The following PLEKHG1 variants were observed in gnomAD, a reference collection of about 807,000 sequenced individuals.
PLEKHG1 encodes pleckstrin homology and RhoGEF domain containing G1.
Under a neutral mutation model 100.8 loss-of-function variants are expected in PLEKHG1, and 44 were observed. The observed-to-expected ratio is 0.44, with a 90% CI of 0.34 to 0.56. The LOEUF (loss-of-function observed/expected upper bound fraction) is 0.56, where lower values mean the gene tolerates loss of function less well. PLEKHG1 is among the 20% of genes least tolerant of loss of function. The pLI, the probability that PLEKHG1 is intolerant of heterozygous loss-of-function variation, is 0.01. For synonymous variants in PLEKHG1, 640 were observed against 662.5 expected (o/e 0.97, Z 0.52); for missense variants, 1,545 against 1,720.9 (o/e 0.90, Z 1.81).
At chr6:150,601,701 A>T (rs60984052) in intron 1 of PLEKHG1, among the ~76,000 whole-genome samples, 4,751 of 152,278 alleles carry the variant, frequency 0.031, 244 homozygotes, top group African/African-American at 0.11. Flanking sequence ...GTCCACAGTC[A>T]ACAGCAATGG....
At chr6:150,698,066 G>A (rs1780619279) in intron 3 of PLEKHG1, among the ~76,000 whole-genome samples, 1 of 152,050 alleles carries the variant, frequency 6.6e-6, no homozygotes, top group Admixed American at 6.6e-5. Flanking sequence ...CAAGTGTTTT[G>A]GGTTTCAGAT....
intron 3 of PLEKHG1, chr6:150,662,431 G>T (rs7748613): frequency 0.43 from 66,058 of 151,960 alleles, 16,373 homozygotes; most frequent in African/African-American, 0.69. Flanking sequence ...GTTTTGTTTT[G>T]TAGAGACAGA....
intron 2 of PLEKHG1, among the ~76,000 whole-genome samples, chr6:150,648,316 C>T (rs1352959276): frequency 6.6e-6 from 1 of 152,052 alleles, no homozygotes; most frequent in Non-Finnish European, 1.5e-5. Context: ...TTCACTGTTG[C>T]ACAGTGAGAC....
At chr6:150,701,468 ATTATAC>A (rs1780787597) in intron 3 of PLEKHG1, among the ~76,000 whole-genome samples, 1 of 44,088 alleles carries the variant, frequency 2.3e-5, no homozygotes, top group Non-Finnish European at 4.6e-5. Flanking sequence ...TATATATATA[ATTATAC>A]TTTAAGTTCT....
chr6:150,643,105 T>C (rs1402066317), intron 2 of PLEKHG1, among the ~76,000 whole-genome samples: 1 of 152,164 alleles, frequency 6.6e-6, no homozygotes, highest in African/African-American at 2.4e-5. Context: ...CCAAGGAATA[T>C]GAGGAAGAGG....
At chr6:150,801,267 G>A (rs1477855065) in intron 6 of PLEKHG1, among the ~76,000 whole-genome samples, 1 of 152,080 alleles carries the variant, frequency 6.6e-6, no homozygotes, top group African/African-American at 2.4e-5. Flanking sequence ...AAAGAGAAGG[G>A]GCTGAAAAGG....
intron 1 of PLEKHG1, among the ~76,000 whole-genome samples, chr6:150,629,720 A>G (rs1398684303): frequency 6.6e-6 from 1 of 152,156 alleles, no homozygotes; most frequent in African/African-American, 2.4e-5. Context: ...CGGTCTCCCA[A>G]AGTGCTGGGA....
At chr6:150,655,223 G>A (rs964026358) in intron 3 of PLEKHG1, among the ~76,000 whole-genome samples, 4 of 152,190 alleles carry the variant, frequency 2.6e-5, no homozygotes, top group Admixed American at 2.0e-4. Flanking sequence ...AGACGATGTA[G>A]CGATTCCTCA....
chr6:150,828,617 CA>C (rs546053449), intron 14 of PLEKHG1, among the ~76,000 whole-genome samples: 410 of 134,458 alleles, frequency 3.0e-3, no homozygotes, highest in African/African-American at 4.2e-3. Context: ...ATTTGTATGG[CA>C]AAAAAAAAAA....
chr6:150,616,179 C>T (rs1040118452), intron 1 of PLEKHG1, among the ~76,000 whole-genome samples: 1 of 152,152 alleles, frequency 6.6e-6, no homozygotes, highest in Non-Finnish European at 1.5e-5. Context: ...GAGAAATTCA[C>T]TTTTTTGCCC....
chr6:150,821,130 T>C (rs768851089), intron 12 of PLEKHG1, 65 bp from the exon 14 acceptor site: 11 of 1,285,660 alleles, frequency 8.6e-6, no homozygotes, highest in South Asian at 1.2e-5. Context: ...AATCCTCTTA[T>C]AAAGAATAAA....
chr6:150,788,307 G>C (rs898766985), intron 4 of PLEKHG1, among the ~76,000 whole-genome samples: 3 of 152,316 alleles, frequency 2.0e-5, no homozygotes, highest in Middle Eastern at 3.4e-3. Flanking sequence ...AAGATGTTAC[G>C]TCTTCTGAAA....
intron 3 of PLEKHG1, among the ~76,000 whole-genome samples, chr6:150,684,402 C>T (rs897754604): frequency 6.6e-6 from 1 of 152,206 alleles, no homozygotes; most frequent in South Asian, 2.1e-4. Flanking sequence ...GGTTCTCCTA[C>T]GTGGGAAATC....
chr6:150,639,741 G>C (rs996511795), intron 2 of PLEKHG1, among the ~76,000 whole-genome samples: 4 of 152,080 alleles, frequency 2.6e-5, no homozygotes, highest in Non-Finnish European at 4.4e-5. Context: ...TCGTGTAGCT[G>C]TCAGGGTGCA....
chr6:150,727,018 A>G (rs142866490), intron 1 of PLEKHG1, among the ~76,000 whole-genome samples: 102 of 152,356 alleles, frequency 6.7e-4, no homozygotes, highest in African/African-American at 2.4e-3. Context: ...TAACTGGTAG[A>G]GTAACTATTT....
At chr6:150,613,107 A>G (rs1163099008) in intron 1 of PLEKHG1, among the ~76,000 whole-genome samples, 1 of 150,738 alleles carries the variant, frequency 6.6e-6, no homozygotes, top group African/African-American at 2.4e-5. Context: ...GCATCAGCCC[A>G]CTGGCCTCTC....
At chr6:150,744,054 TCTTA>T (rs1223481002) in intron 2 of PLEKHG1, among the ~76,000 whole-genome samples, 3 of 152,136 alleles carry the variant, frequency 2.0e-5, no homozygotes, top group Non-Finnish European at 4.4e-5. Context: ...TCGCCCTTCA[TCTTA>T]CTTTTTATTT....
At chr6:150,777,572 A>G (rs978596255) in intron 3 of PLEKHG1, among the ~76,000 whole-genome samples, 2 of 150,024 alleles carry the variant, frequency 1.3e-5, no homozygotes, top group African/African-American at 4.9e-5. Flanking sequence ...CCTGGTGTAC[A>G]TGTGCGGTTG....
chr6:150,697,410 G>A (rs77275232), intron 3 of PLEKHG1, among the ~76,000 whole-genome samples: 9,703 of 152,232 alleles, frequency 0.064, 395 homozygotes, highest in African/African-American at 0.12. Context: ...TTGCAAGGTC[G>A]TGGAGCTTAA....
Sources: gnomAD v4.1 joint callset for allele counts (sites outside exome capture counted in the v4.1 genomes callset) on GRCh38, gnomAD v4.1.1 for gene constraint, MANE v1.5 for transcripts, NCBI Gene and HGNC (gene_info 2026-07-23, HGNC 2026-07-21) for gene names.